Variants in DYNLL1 observed in about 807,000 individuals in gnomAD.
The protein encoded by DYNLL1 is dynein light chain 1, cytoplasmic.
In DYNLL1, 3 loss-of-function variants were observed where a neutral mutation model predicts 10.1. The observed-to-expected ratio is 0.30, with a 90% CI of 0.14 to 0.77. The LOEUF is 0.77. Ranked by LOEUF, DYNLL1 falls within the 30% of genes least tolerant of loss-of-function variation. The probability of loss-of-function intolerance (pLI) is 0.66; values close to 1 mark genes in which losing one functional copy is unlikely to be tolerated. For missense variants in DYNLL1, 47 were observed against 111.7 expected, an observed-to-expected ratio of 0.42 and a Z score of 2.61; for synonymous variants, 46 against 41.2, an observed-to-expected ratio of 1.12 and a Z score of -0.45.
Position 120,498,037 on chromosome 12 carries a change from A to G in DYNLL1, c.133-36A>G, listed in dbSNP as rs759809842. On this transcript the variant is annotated intron_variant, in intron 2 of 2. Coordinates refer to ENST00000242577, the MANE Select transcript of DYNLL1 (RefSeq NM_003746.3). ...AAGAGGCAAACACTGACCTCTGGTA[A>G]TTAAAATCCTAGTTCTTTTCTTTTG... The G allele has an allele frequency of 1.0e-5, 16 of 1,602,666 alleles. No individual in the cohort carries two copies. The East Asian group carries it at 3.4e-4, about 34-fold the overall frequency.
chr12:120,485,046 G>A (rs1167688), intron 1 of DYNLL1, among the ~76,000 whole-genome samples: 41,604 of 151,854 alleles, frequency 0.27, 6,834 homozygotes, highest in Admixed American at 0.39. Flanking sequence ...GGCCGCATGG[G>A]CTATAAAGAA....
chr12:120,470,403 C>T (rs1418267013), intron 1 of DYNLL1, among the ~76,000 whole-genome samples: 1 of 152,124 alleles, frequency 6.6e-6, no homozygotes, highest in Non-Finnish European at 1.5e-5. Flanking sequence ...TACTTTTCCA[C>T]ATTCACATCC....
intron 2 of DYNLL1, 123 bp downstream of exon 2, chr12:120,496,676 CT>C: frequency 6.5e-7 from 1 of 1,547,620 alleles, no homozygotes; most frequent in Non-Finnish European, 8.8e-7. Context: ...GGCGTAGAAG[CT>C]TCCAGAAAGG....
chr12:120,482,398 C>T (rs1346218333), intron 1 of DYNLL1, among the ~76,000 whole-genome samples: 1 of 151,734 alleles, frequency 6.6e-6, no homozygotes, highest in African/African-American at 2.4e-5. Context: ...TCTCGGCTCG[C>T]TGCAAGCTCC....
chr12:120,496,688 A>G, intron 2 of DYNLL1, 135 bp downstream of exon 2: 9 of 1,446,866 alleles, frequency 6.2e-6, no homozygotes, highest in Non-Finnish European at 7.6e-6. Flanking sequence ...TCCAGAAAGG[A>G]CGCAGATGCA....
intron 2 of DYNLL1, 174 bp from the exon 3 acceptor site, chr12:120,497,899 G>A: frequency 1.6e-6 from 1 of 628,370 alleles, no homozygotes; most frequent in Non-Finnish European, 2.7e-6. Flanking sequence ...CTGCAAGTAT[G>A]TTTGTATTAA....
At chr12:120,470,245 C>T (rs1355219515) in intron 1 of DYNLL1, 1 of 152,256 alleles carries the variant, frequency 6.6e-6, no homozygotes, top group Non-Finnish European at 1.5e-5. Context: ...TCACAGCGAT[C>T]ACTATAGAGT....
chr12:120,496,821 A>G (rs3916065), intron 2 of DYNLL1: 5 of 598,430 alleles, frequency 8.4e-6, no homozygotes, highest in Non-Finnish European at 1.2e-5. Flanking sequence ...ATCAGGGAGC[A>G]GCGGTTCCCC....
chr12:120,482,573 C>T (rs1218100103), intron 1 of DYNLL1, among the ~76,000 whole-genome samples: 3 of 151,990 alleles, frequency 2.0e-5, no homozygotes, highest in African/African-American at 4.8e-5. Flanking sequence ...CCGCCTGCCT[C>T]GGCCTCCCAA....
At chr12:120,493,598 A>ATTATTTT (rs993724320), upstream of DYNLL1, among the ~76,000 whole-genome samples, 1 of 151,260 alleles carries the variant, frequency 6.6e-6, no homozygotes, top group African/African-American at 2.4e-5. Context: ...TATATACAGT[A>ATTATTTT]TTATTTTTTA....
intron 1 of DYNLL1, among the ~76,000 whole-genome samples, chr12:120,470,907 T>A (rs1369053213): frequency 6.6e-6 from 1 of 151,938 alleles, no homozygotes. Flanking sequence ...TAGCTGGGCG[T>A]GGTGGCGTGT....
rs1868534893 is a variant in DYNLL1 at position 120,498,283 on chromosome 12, A to C, written c.*73A>C. ...CTGCAGCCTAAATTCCAAATACCAG[A>C]GACTGAAATTTTCAGCCTTGCTAAG... On this transcript the variant is annotated 3_prime_UTR_variant, in exon 3 of 3. Transcript: ENST00000242577. 1 of 1,538,474 alleles carries C rather than the reference A, an allele frequency of 6.5e-7. No individual in the cohort carries two copies. Among genetic ancestry groups the C allele is most frequent in the Admixed American group, 2.0e-5 (1 of 48,882 alleles).
intron 1 of DYNLL1, among the ~76,000 whole-genome samples, chr12:120,476,927 GTT>G (rs1220920701): frequency 7.0e-6 from 1 of 142,934 alleles, no homozygotes; most frequent in Non-Finnish European, 1.5e-5. Context: ...TTTTTGTTTT[GTT>G]TTTTTTGTTT....
intron 1 of DYNLL1, among the ~76,000 whole-genome samples, chr12:120,482,829 T>C (rs1288663088): frequency 1.3e-5 from 2 of 152,032 alleles, no homozygotes; most frequent in Non-Finnish European, 2.9e-5. Flanking sequence ...AGGCCAGACA[T>C]GGGCTTTGGG....
exon 1 of DYNLL1, chr12:120,470,046 T>TCAGGCGGAGACCG (rs1418619884): frequency 1.3e-5 from 2 of 153,166 alleles, no homozygotes; most frequent in Non-Finnish European, 1.4e-5. Context: ...AGAGCTGGAG[T>TCAGGCGGAGACCG]CAGGCGGAGA....
chr12:120,471,955 TAATA>T (rs1355397107), intron 1 of DYNLL1, among the ~76,000 whole-genome samples: 2 of 152,162 alleles, frequency 1.3e-5, no homozygotes, highest in Admixed American at 6.6e-5. Flanking sequence ...GAGATTCTCA[TAATA>T]AATTACATGT....
chr12:120,496,399 C>T lies in DYNLL1; in HGVS notation c.-6-17C>T, dbSNP rs183162883. ...CGCGGCCCAACTCAACCCCTTACCC[C>T]AGGCCTTGCCCACTAGGTAACCATG... On this transcript the variant is annotated splice_polypyrimidine_tract_variant and intron_variant, in intron 1 of 2. Transcript: ENST00000242577. The T allele has an allele frequency of 2.5e-6, 4 of 1,613,912 alleles. No individual in the cohort carries two copies. The highest frequency in any genetic ancestry group is 1.1e-5 in the South Asian group (1 of 91,084).
chr12:120,474,450 A>T (rs1226966026), intron 1 of DYNLL1, among the ~76,000 whole-genome samples: 1 of 152,082 alleles, frequency 6.6e-6, no homozygotes, highest in Admixed American at 6.5e-5. Context: ...CATAAAAAAA[A>T]AAAAAAATCC....
Position 120,496,476 on chromosome 12 carries a change from C to T in DYNLL1, c.55C>T (p.Gln19Ter). The T allele has an allele frequency of 6.2e-7, 1 of 1,614,212 alleles. No homozygotes were observed. The highest frequency in any genetic ancestry group is 8.5e-7 in the Non-Finnish European group (1 of 1,180,034). ...KNADMSEEMQQDSVECATQAL... is the reference protein window; with the variant it reads ...KNADMSEEMQ The stretch of plus-strand genomic sequence containing the variant: ...TGCGGACATGTCGGAAGAGATGCAA[C>T]AGGACTCGGTGGAGTGCGCTACTCA... Residue 19 changes from glutamine (Q) to a stop codon, truncating the protein, a stop_gained, in exon 2 of 3, where the codon CAG (glutamine) becomes TAG (stop). Coordinates refer to ENST00000242577, the MANE Select transcript of DYNLL1 (RefSeq NM_003746.3). LOFTEE classifies it high-confidence loss of function.
Sources: gnomAD v4.1 joint callset for allele counts (sites outside exome capture counted in the v4.1 genomes callset) on GRCh38, gnomAD v4.1.1 for gene constraint, MANE v1.5 for transcripts, NCBI Gene and HGNC (gene_info 2026-07-23, HGNC 2026-07-21) for gene names.